PTPRD: variants seen among roughly 807,000 people sequenced by gnomAD.
The protein encoded by PTPRD is protein tyrosine phosphatase receptor type D.
Under a neutral mutation model 214.5 loss-of-function variants are expected in PTPRD, and 34 were observed. The ratio of observed to expected loss-of-function variants is 0.16; its 90% CI spans 0.12 to 0.21. The LOEUF is 0.21. Ranked by LOEUF, PTPRD falls within the 10% of genes least tolerant of loss-of-function variation. The pLI is 1.00. For missense variants in PTPRD, 2,545 were observed against 2,398.7 expected (o/e 1.06, Z -1.27); for synonymous variants, 1,128 against 845.7 (o/e 1.33, Z -5.79).
At chr9:9,431,322 A>T (rs543394882) in intron 8 of PTPRD, among the ~76,000 whole-genome samples, 2 of 152,354 alleles carry the variant, frequency 1.3e-5, no homozygotes. Context: ...ATCACTGGCC[A>T]TCAGAGAAAT....
intron 4 of PTPRD, among the ~76,000 whole-genome samples, chr9:10,013,607 ATAAG>A (rs1238755502): frequency 2.6e-5 from 4 of 151,868 alleles, no homozygotes; most frequent in Non-Finnish European, 5.9e-5. Context: ...TTCAACACAG[ATAAG>A]TAATTGATGG....
chr9:8,453,416 A>G (rs1388937613), intron 33 of PTPRD, among the ~76,000 whole-genome samples: 11 of 152,210 alleles, frequency 7.2e-5, no homozygotes, highest in Admixed American at 2.0e-4. Context: ...CACCCGCCTC[A>G]GCCTCCCAGA....
chr9:8,632,099 C>T (rs1331081609), intron 14 of PTPRD, among the ~76,000 whole-genome samples: 2 of 150,628 alleles, frequency 1.3e-5, no homozygotes, highest in Admixed American at 1.3e-4. Context: ...ATCTCATTTT[C>T]TCAGCCTCTT....
At chr9:9,549,807 A>G (rs1489311096) in intron 8 of PTPRD, among the ~76,000 whole-genome samples, 1 of 152,118 alleles carries the variant, frequency 6.6e-6, no homozygotes, top group African/African-American at 2.4e-5. Flanking sequence ...AATAGTCTTA[A>G]ATACAAAACA....
At chr9:8,831,922 G>C (rs553267493) in intron 11 of PTPRD, among the ~76,000 whole-genome samples, 1 of 151,846 alleles carries the variant, frequency 6.6e-6, no homozygotes, top group African/African-American at 2.4e-5. Flanking sequence ...TTTTTTGACA[G>C]TTGGAAATGG....
chr9:8,621,395 A>T (rs1483217878), intron 14 of PTPRD, among the ~76,000 whole-genome samples: 1 of 151,994 alleles, frequency 6.6e-6, no homozygotes, highest in Non-Finnish European at 1.5e-5. Context: ...TTTTAAAAAA[A>T]ATTTGTTTGT....
intron 2 of PTPRD, among the ~76,000 whole-genome samples, chr9:10,383,464 G>A (rs779821112): frequency 5.3e-5 from 8 of 151,772 alleles, no homozygotes; most frequent in Non-Finnish European, 1.2e-4. Flanking sequence ...ATAAATGCAT[G>A]GAACTAATGT....
intron 9 of PTPRD, among the ~76,000 whole-genome samples, chr9:9,270,392 A>C (rs1942336991): frequency 6.6e-6 from 1 of 151,386 alleles, no homozygotes; most frequent in Admixed American, 6.6e-5. Flanking sequence ...TTTATGCTAA[A>C]AATATGAAGA....
chr9:9,578,490 G>A (rs1379674690), intron 7 of PTPRD, among the ~76,000 whole-genome samples: 1 of 151,928 alleles, frequency 6.6e-6, no homozygotes, highest in Non-Finnish European at 1.5e-5. Flanking sequence ...TTGGGGGAGG[G>A]AGAGGAAATT....
At chr9:10,268,863 G>A (rs1474248692) in intron 3 of PTPRD, among the ~76,000 whole-genome samples, 2 of 152,134 alleles carry the variant, frequency 1.3e-5, no homozygotes, top group South Asian at 2.1e-4. Context: ...AAATATATTC[G>A]CCCATCTAGG....
chr9:9,425,368 A>T (rs1242812048), intron 8 of PTPRD, among the ~76,000 whole-genome samples: 2 of 47,762 alleles, frequency 4.2e-5, no homozygotes, highest in Non-Finnish European at 9.3e-5. Context: ...TATATAAAAT[A>T]TATATTATAA....
At chr9:8,656,551 T>C (rs1326420743) in intron 12 of PTPRD, among the ~76,000 whole-genome samples, 2 of 152,164 alleles carry the variant, frequency 1.3e-5, no homozygotes, top group African/African-American at 4.8e-5. Flanking sequence ...ACTGGCATGG[T>C]CAAATACATT....
intron 36 of PTPRD, among the ~76,000 whole-genome samples, chr9:8,390,420 C>T (rs950134933): frequency 1.3e-5 from 2 of 152,098 alleles, no homozygotes; most frequent in African/African-American, 2.4e-5. Flanking sequence ...CTGTCTCCTT[C>T]CCATCATAAA....
At chr9:8,668,286 T>G (rs1326607417) in intron 12 of PTPRD, among the ~76,000 whole-genome samples, 1 of 152,198 alleles carries the variant, frequency 6.6e-6, no homozygotes, top group East Asian at 1.9e-4. Flanking sequence ...TAATTATTCT[T>G]CTAACCTAAA....
At chr9:8,437,239 C>A in intron 34 of PTPRD, 1 of 1,520,536 alleles carries the variant, frequency 6.6e-7, no homozygotes, top group Non-Finnish European at 8.8e-7. Context: ...ATCATCTGAA[C>A]CTGCAAAGGA....
At chr9:10,201,001 T>C (rs1181341712) in intron 3 of PTPRD, among the ~76,000 whole-genome samples, 2 of 151,950 alleles carry the variant, frequency 1.3e-5, no homozygotes, top group Non-Finnish European at 2.9e-5. Flanking sequence ...GCTAACTGGA[T>C]AGAGAGGGAG....
intron 3 of PTPRD, among the ~76,000 whole-genome samples, chr9:10,112,635 A>C (rs1470875041): frequency 6.6e-6 from 1 of 152,052 alleles, no homozygotes; most frequent in Admixed American, 6.6e-5. Flanking sequence ...TTCTCAGATA[A>C]AGTTAATTTG....
chr9:9,698,279 C>T lies in PTPRD; in HGVS notation c.-287+36254G>A, dbSNP rs116404963. 3.6e-3 allele frequency among the ~76,000 whole-genome samples: 551 copies of T among 152,252 alleles called. 4 individuals carry two copies. Among genetic ancestry groups the T allele is most frequent in the African/African-American group, 0.012 (515 of 41,556 alleles). ...TTCTCTTTCTGGGTTGGTGTTTTTA[C>T]TGGATATGTTTCCTTAGAGGTTTCT... is the stretch of plus-strand genomic sequence containing the variant. On this transcript the variant is annotated intron_variant, in intron 7 of 45. Transcript: ENST00000381196.
At chr9:9,024,097 C>CAGCT in intron 10 of PTPRD, among the ~76,000 whole-genome samples, 1 of 151,770 alleles carries the variant, frequency 6.6e-6, no homozygotes, top group Middle Eastern at 3.4e-3. Flanking sequence ...CACTGAGAGA[C>CAGCT]AGCTGCTCTT....
Sources: allele counts gnomAD v4.1 joint callset (sites outside exome capture counted in the v4.1 genomes callset), GRCh38; gene constraint gnomAD v4.1.1; transcripts MANE v1.5; gene names NCBI Gene and HGNC (gene_info 2026-07-23, HGNC 2026-07-21).